FOXP1: variants seen among roughly 807,000 people sequenced by gnomAD.
FOXP1 encodes forkhead box P1.
In FOXP1, 15 loss-of-function variants were observed where a neutral mutation model predicts 98.2. The observed-to-expected ratio is 0.15, with a 90% CI of 0.10 to 0.24. FOXP1 has a LOEUF of 0.24. Among genes scored for constraint, FOXP1 ranks in the 10% least tolerant of loss-of-function variants. The pLI is 1.00. For missense variants in FOXP1, 633 were observed against 848.5 expected (o/e 0.75, Z 3.15); for synonymous variants, 371 against 314.5 (o/e 1.18, Z -1.90).
chr3:71,085,735 C>CTTTTTTTTTTTCTT lies in FOXP1; in HGVS notation c.282+26800_282+26801insAAGAAAAAAAAAAA, dbSNP rs71621917. ...TTGTATGGTGGGTATCATTTATGGC[C>CTTTTTTTTTTTCTT]TTTTTTTTTTTTTTACATGGAGTCT... On this transcript the variant is annotated intron_variant, in intron 7 of 20. Transcript: ENST00000649528. 5.4e-5 allele frequency among the ~76,000 whole-genome samples: 2 copies of CTTTTTTTTTTTCTT among 37,038 alleles called. 1 individual carries two copies. Among genetic ancestry groups the CTTTTTTTTTTTCTT allele is most frequent in the African/African-American group, 2.0e-4 (2 of 10,120 alleles). The allele number at this position is 37,038 out of a possible 152,430, so 24.3% of individuals were successfully genotyped here.
chr3:70,970,517 T>C, intron 19 of FOXP1: 1 of 557,822 alleles, frequency 1.8e-6, no homozygotes, highest in Non-Finnish European at 3.2e-6. Flanking sequence ...AAGTGAACTT[T>C]TAATTTTTTT....
At chr3:71,268,067 GCTT>G (rs1255005422) in intron 5 of FOXP1, among the ~76,000 whole-genome samples, 1 of 145,626 alleles carries the variant, frequency 6.9e-6, no homozygotes, top group African/African-American at 2.5e-5. Context: ...AATTATTTCA[GCTT>G]CTTTTTTTTC....
chr3:70,978,151 A>AAACATACCATC, intron 14 of FOXP1, 122 bp from the exon 15 acceptor site: 1 of 779,294 alleles, frequency 1.3e-6, no homozygotes, highest in Non-Finnish European at 2.2e-6. Context: ...TGTAGATGGT[A>AAACATACCATC]TGTTTACCAT....
At position 71,071,919 on chromosome 3, in the gene FOXP1, T is replaced by C. The variant is rs377041243; in HGVS notation, c.283-18146A>G. Reference sequence around the variant, plus strand: ...CAACAACAACGACAACAACAACAGCTATCATTACTGGTATCCTTACACCTA... The same window carrying C: ...CAACAACAACGACAACAACAACAGCCATCATTACTGGTATCCTTACACCTA... On this transcript the variant is annotated intron_variant, in intron 7 of 20. Coordinates refer to ENST00000649528, the MANE Select transcript of FOXP1 (RefSeq NM_001349338.3). Among the ~76,000 whole-genome samples the C allele has an allele frequency of 3.9e-5, 6 of 152,158 alleles. No homozygotes were observed. In the East Asian group the frequency reaches 7.7e-4, roughly 20 times the overall value.
intron 2 of FOXP1, among the ~76,000 whole-genome samples, chr3:71,531,247 T>A (rs1266973926): frequency 6.6e-6 from 1 of 152,164 alleles, no homozygotes; most frequent in Non-Finnish European, 1.5e-5. Flanking sequence ...TGGACCCTGA[T>A]GAGATGGGAT....
chr3:71,564,355 G>A (rs945310100), intron 2 of FOXP1, among the ~76,000 whole-genome samples: 2 of 152,202 alleles, frequency 1.3e-5, no homozygotes, highest in Admixed American at 1.3e-4. Context: ...TAAAGCTCCT[G>A]TATTTGCCAG....
chr3:71,365,801 G>A lies in FOXP1; in HGVS notation c.-167-6557C>T, dbSNP rs139070612. Among the ~76,000 whole-genome samples, 1,446 of 152,274 alleles carry A rather than the reference G, an allele frequency of 9.5e-3. 19 individuals carry two copies. The highest frequency in any genetic ancestry group is 0.033 in the African/African-American group (1,374 of 41,562). ...AGATGGAGACCAGCCTGGCCAACAC[G>A]GTGAAACCCCATCTCTACTAAAAAT... On this transcript the variant is annotated intron_variant, in intron 3 of 20. Coordinates refer to ENST00000649528, the MANE Select transcript of FOXP1 (RefSeq NM_001349338.3).
chr3:71,016,539 T>A (rs148421467), intron 11 of FOXP1, among the ~76,000 whole-genome samples: 1 of 152,118 alleles, frequency 6.6e-6, no homozygotes, highest in Non-Finnish European at 1.5e-5. Context: ...AAAGCTAACA[T>A]TGAGAGTTCT....
intron 6 of FOXP1, among the ~76,000 whole-genome samples, chr3:71,194,198 G>A (rs1365724333): frequency 6.9e-6 from 1 of 145,916 alleles, no homozygotes; most frequent in Non-Finnish European, 1.5e-5. Flanking sequence ...CCACACCTCA[G>A]AACTGCAGCA....
intron 3 of FOXP1, among the ~76,000 whole-genome samples, chr3:71,486,328 T>C (rs1301081005): frequency 2.0e-5 from 3 of 152,204 alleles, no homozygotes; most frequent in African/African-American, 7.2e-5. Flanking sequence ...GTTATAAATA[T>C]TACTAAAATC....
chr3:70,966,161 C>A, intron 19 of FOXP1, 105 bp from the exon 20 acceptor site: 1 of 1,037,862 alleles, frequency 9.6e-7, no homozygotes, highest in Non-Finnish European at 1.5e-6. Context: ...TTAATTGTAG[C>A]ATGGCTGGCA....
chr3:71,225,899 C>T (rs1291777452), intron 5 of FOXP1, among the ~76,000 whole-genome samples: 1 of 152,104 alleles, frequency 6.6e-6, no homozygotes, highest in Admixed American at 6.5e-5. Context: ...CACGGGGGCC[C>T]AAGACGGACT....
intron 5 of FOXP1, among the ~76,000 whole-genome samples, chr3:71,287,051 A>C (rs537802899): frequency 5.3e-5 from 8 of 152,372 alleles, no homozygotes; most frequent in Non-Finnish European, 8.8e-5. Flanking sequence ...AGCTTTAAAA[A>C]TAAGATGTAG....
intron 3 of FOXP1, among the ~76,000 whole-genome samples, chr3:71,475,306 A>C (rs2089730064): frequency 6.6e-6 from 1 of 152,194 alleles, no homozygotes; most frequent in Non-Finnish European, 1.5e-5. Context: ...TGCTCAGTGG[A>C]AGAAGGAGCA....
intron 3 of FOXP1, among the ~76,000 whole-genome samples, chr3:71,391,206 TAA>T (rs1161498005): frequency 6.6e-6 from 1 of 152,196 alleles, no homozygotes; most frequent in Non-Finnish European, 1.5e-5. Context: ...GTTTCAATAT[TAA>T]GAGTCAATTT....
intron 3 of FOXP1, among the ~76,000 whole-genome samples, chr3:71,403,033 G>A (rs771110285): frequency 4.6e-5 from 7 of 152,190 alleles, no homozygotes; most frequent in African/African-American, 2.4e-5. Flanking sequence ...CACCCTCTTC[G>A]TCAGATAAGA....
chr3:71,114,030 G>C (rs1331577772), intron 6 of FOXP1, among the ~76,000 whole-genome samples: 2 of 152,120 alleles, frequency 1.3e-5, no homozygotes, highest in African/African-American at 4.8e-5. Flanking sequence ...TTAGAGTTTA[G>C]ACACAAAATG....
chr3:71,582,846 T>C (rs551944761), intron 1 of FOXP1: 3 of 967,798 alleles, frequency 3.1e-6, no homozygotes, highest in African/African-American at 3.5e-5. Context: ...TCCTCGCCGC[T>C]GACTCTCGGG....
chr3:71,258,554 G>T (rs768162490), intron 5 of FOXP1, among the ~76,000 whole-genome samples: 15 of 152,238 alleles, frequency 9.9e-5, no homozygotes, highest in African/African-American at 3.1e-4. Flanking sequence ...ACAGAGACTG[G>T]GGCCAGGGGA....
Sources: gnomAD v4.1 joint callset for allele counts (sites outside exome capture counted in the v4.1 genomes callset) on GRCh38, gnomAD v4.1.1 for gene constraint, MANE v1.5 for transcripts, NCBI Gene and HGNC (gene_info 2026-07-23, HGNC 2026-07-21) for gene names.